STIM1: variants seen among roughly 807,000 people sequenced by gnomAD.
STIM1 encodes the protein stromal interaction molecule 1.
STIM1 carries 25 observed loss-of-function variants against 74.7 expected under a neutral mutation model. The ratio of observed to expected loss-of-function variants is 0.33; its 90% CI spans 0.24 to 0.47. STIM1 has a LOEUF of 0.47. STIM1 is among the 20% of genes least tolerant of loss of function. The probability of loss-of-function intolerance (pLI) is 1.00; values close to 1 mark genes in which losing one functional copy is unlikely to be tolerated. For missense variants in STIM1, 728 were observed against 920.8 expected (o/e 0.79, Z 2.71); for synonymous variants, 328 against 348.8 (o/e 0.94, Z 0.66).
At chr11:4,060,040 T>G (rs2094319867) in intron 5 of STIM1, among the ~76,000 whole-genome samples, 1 of 152,194 alleles carries the variant, frequency 6.6e-6, no homozygotes, top group Admixed American at 6.5e-5. Context: ...ATCTTTGTAT[T>G]ATTGAATGAC....
At chr11:3,860,128 T>C (rs574642942) in intron 1 of STIM1, among the ~76,000 whole-genome samples, 1 of 152,244 alleles carries the variant, frequency 6.6e-6, no homozygotes, top group East Asian at 1.9e-4. Flanking sequence ...GAAAATGTCA[T>C]GGAAGAAATA....
At chr11:3,881,239 T>C (rs1336754054) in intron 1 of STIM1, among the ~76,000 whole-genome samples, 1 of 152,140 alleles carries the variant, frequency 6.6e-6, no homozygotes, top group East Asian at 1.9e-4. Context: ...CAGTTGTTCC[T>C]AATTCCCCCT....
chr11:4,023,134 C>A (rs924697208), intron 2 of STIM1, among the ~76,000 whole-genome samples: 9 of 152,192 alleles, frequency 5.9e-5, no homozygotes, highest in Admixed American at 5.2e-4. Context: ...AGTTTGAGAC[C>A]AGCCTGGGCA....
At chr11:4,056,307 T>A (rs1453481725) in intron 4 of STIM1, among the ~76,000 whole-genome samples, 1 of 152,182 alleles carries the variant, frequency 6.6e-6, no homozygotes, top group African/African-American at 2.4e-5. Context: ...TGCTAGGGCT[T>A]GGGCTGGGAG....
chr11:3,949,106 A>C lies in STIM1; in HGVS notation c.140-18446A>C, dbSNP rs150046539. 3.8e-3 allele frequency among the ~76,000 whole-genome samples: 582 copies of C among 152,338 alleles called. 1 individual carries two copies. Among genetic ancestry groups the C allele is most frequent in the Non-Finnish European group, 5.5e-3 (377 of 68,026 alleles). On this transcript the variant is annotated intron_variant, in intron 1 of 12. Coordinates refer to ENST00000526596, the MANE Select transcript of STIM1 (RefSeq NM_001382567.1). ...ATAGAGAATTTAAGTAATTGGTCCAAATTGTGATACAGAGAAGCACAGGGA... is the reference window on the plus strand; with the variant it reads ...ATAGAGAATTTAAGTAATTGGTCCACATTGTGATACAGAGAAGCACAGGGA...
chr11:4,042,066 G>A (rs561358285), intron 3 of STIM1, among the ~76,000 whole-genome samples: 11 of 152,328 alleles, frequency 7.2e-5, no homozygotes, highest in Admixed American at 1.3e-4. Context: ...TTCGTCTGGA[G>A]GCACCACAGG....
chr11:3,912,700 A>T (rs1272579194), intron 1 of STIM1, among the ~76,000 whole-genome samples: 4 of 152,210 alleles, frequency 2.6e-5, no homozygotes, highest in Admixed American at 6.5e-5. Context: ...ATATAAAAAA[A>T]ACTGAGGTAA....
chr11:4,055,604 G>A lies in STIM1; in HGVS notation c.464G>A (p.Arg155Gln), dbSNP rs771484089. The A allele has an allele frequency of 6.3e-6, 10 of 1,595,986 alleles. No individual in the cohort carries two copies. The highest frequency in any genetic ancestry group is 3.4e-5 in the South Asian group (3 of 87,672). The change falls in exon 4 of 13, where the codon CGG becomes CAG. Residue 155 changes from arginine (R) to glutamine (Q), a missense_variant. Arg to Gln is a conservative substitution (Grantham distance 43, BLOSUM62 1). Around this residue, in one of 5 missense-constraint regions of STIM1, gnomAD observed 132 missense variants for 158.2 expected, o/e 0.83. Coordinates refer to ENST00000526596, the MANE Select transcript of STIM1 (RefSeq NM_001382567.1). ...CTGCCTCAGTATGAGGAGACCTTCC[G>A]GAAGCTGCAGCTCAGTGGCCATGCC... is the stretch of plus-strand genomic sequence containing the variant. The part of the protein sequence containing the change: ...VELPQYEETF[R>Q]KLQLSGHAMP...
intron 2 of STIM1, among the ~76,000 whole-genome samples, chr11:4,015,917 A>G (rs1027522312): frequency 5.9e-5 from 9 of 151,930 alleles, no homozygotes; most frequent in African/African-American, 1.9e-4. Flanking sequence ...TCTTCTCTAC[A>G]CTGGTTATTT....
chr11:3,953,857 A>G (rs2093179929), intron 1 of STIM1, among the ~76,000 whole-genome samples: 1 of 143,484 alleles, frequency 7.0e-6, no homozygotes, highest in Non-Finnish European at 1.5e-5. Flanking sequence ...CTCACAGCTC[A>G]CTGCAGTCTT....
rs185927563 is a variant in STIM1 at position 3,905,678 on chromosome 11, G to A, written c.139+49269G>A. On this transcript the variant is annotated intron_variant, in intron 1 of 12. Transcript: ENST00000526596. ...TGCTCACCACAGTTCCCAGAAGTGA[G>A]TATTGTCCCTATTTTCCAAATGCAG... 3.9e-3 allele frequency among the ~76,000 whole-genome samples: 593 copies of A among 152,318 alleles called. 1 individual carries two copies. The highest frequency in any genetic ancestry group is 0.014 in the African/African-American group (569 of 41,560).
intron 2 of STIM1, among the ~76,000 whole-genome samples, chr11:4,009,500 C>T (rs1211340640): frequency 4.7e-5 from 7 of 150,498 alleles, no homozygotes; most frequent in Non-Finnish European, 7.4e-5. Flanking sequence ...CCCAGCTACT[C>T]AGGAGGCTGA....
At chr11:4,031,817 G>A (rs1010437421) in intron 3 of STIM1, among the ~76,000 whole-genome samples, 9 of 152,122 alleles carry the variant, frequency 5.9e-5, no homozygotes, top group African/African-American at 2.2e-4. Context: ...CCAGATCTGT[G>A]GCTTGTCCTA....
chr11:4,009,919 CCT>C, intron 2 of STIM1, among the ~76,000 whole-genome samples: 1 of 152,184 alleles, frequency 6.6e-6, no homozygotes, highest in South Asian at 2.1e-4. Context: ...TTCAAGTAAT[CCT>C]CTCACCTCAG....
chr11:4,054,582 C>T (rs549638061), intron 3 of STIM1, among the ~76,000 whole-genome samples: 2 of 152,228 alleles, frequency 1.3e-5, no homozygotes, highest in South Asian at 4.2e-4. Flanking sequence ...TGTGAGGGAT[C>T]TAGGTTACGT....
At chr11:4,009,288 GT>G (rs1290564845) in intron 2 of STIM1, among the ~76,000 whole-genome samples, 1 of 134,832 alleles carries the variant, frequency 7.4e-6, no homozygotes, top group African/African-American at 2.8e-5. Flanking sequence ...GGGAAAGAGT[GT>G]CTCAAAAAAA....
At chr11:3,973,598 C>T (rs1449463274) in intron 2 of STIM1, among the ~76,000 whole-genome samples, 2 of 152,088 alleles carry the variant, frequency 1.3e-5, no homozygotes. Context: ...TGAGGTCTTG[C>T]CATGCTGCCC....
chr11:3,933,434 A>G (rs1003605427), intron 1 of STIM1, among the ~76,000 whole-genome samples: 1 of 152,238 alleles, frequency 6.6e-6, no homozygotes, highest in Non-Finnish European at 1.5e-5. Flanking sequence ...TAGTGAACTA[A>G]GTAAACAAGT....
At chr11:3,915,490 C>T (rs1161145842) in intron 1 of STIM1, among the ~76,000 whole-genome samples, 7 of 151,862 alleles carry the variant, frequency 4.6e-5, no homozygotes, top group South Asian at 2.1e-4. Flanking sequence ...CTCCGCCTCC[C>T]GGGTTCACGC....
Sources: gnomAD v4.1 joint callset for allele counts (sites outside exome capture counted in the v4.1 genomes callset) on GRCh38, gnomAD v4.1.1 for gene constraint, gnomAD v4.1.1 regional missense constraint, MANE v1.5 for transcripts, NCBI Gene and HGNC (gene_info 2026-07-23, HGNC 2026-07-21) for gene names.